The following SETD2 variants were observed in gnomAD, a reference collection of about 807,000 sequenced individuals.
SETD2 encodes the protein histone-lysine N-methyltransferase SETD2.
SETD2 carries 31 observed loss-of-function variants against 242.1 expected under a neutral mutation model. The observed-to-expected ratio is 0.13, with a 90% CI of 0.10 to 0.17. The LOEUF is 0.17. Among genes scored for constraint, SETD2 ranks in the 10% least tolerant of loss-of-function variants. SETD2 has a pLI of 1.00. For missense variants in SETD2, 2,481 were observed against 3,046.3 expected, an observed-to-expected ratio of 0.81 and a Z score of 4.37; for synonymous variants, 1,006 against 1,066.5, an observed-to-expected ratio of 0.94 and a Z score of 1.11.
chr3:47,067,603 T>C (rs984402747), intron 12 of SETD2, among the ~76,000 whole-genome samples: 1 of 151,682 alleles, frequency 6.6e-6, no homozygotes, highest in Admixed American at 6.6e-5. Flanking sequence ...TTTGTAGAGA[T>C]GGGGTTTTAT....
chr3:47,097,887 C>T (rs2107673590), intron 9 of SETD2, 68 bp downstream of exon 9: 9 of 1,535,454 alleles, frequency 5.9e-6, no homozygotes, highest in Non-Finnish European at 8.1e-6. Context: ...TTATAACCTT[C>T]AATCAGAAAA....
chr3:47,040,167 C>T (rs960796719), intron 17 of SETD2, among the ~76,000 whole-genome samples: 16 of 151,836 alleles, frequency 1.1e-4, no homozygotes, highest in Non-Finnish European at 1.3e-4. Context: ...GGAGTAGAGA[C>T]GGGGTTTCAT....
chr3:47,063,604 C>T (rs2040432606), intron 13 of SETD2, among the ~76,000 whole-genome samples: 2 of 152,162 alleles, frequency 1.3e-5, no homozygotes, highest in Admixed American at 1.3e-4. Flanking sequence ...ACTGTTTTCA[C>T]TTACCCAATT....
At chr3:47,039,136 C>T (rs1047900613) in intron 17 of SETD2, among the ~76,000 whole-genome samples, 1 of 152,016 alleles carries the variant, frequency 6.6e-6, no homozygotes, top group Non-Finnish European at 1.5e-5. Context: ...CAAATATATA[C>T]ATGTCTGTTC....
intron 15 of SETD2, among the ~76,000 whole-genome samples, chr3:47,047,876 T>C (rs893359506): frequency 6.6e-6 from 1 of 152,202 alleles, no homozygotes; most frequent in Non-Finnish European, 1.5e-5. Context: ...GGTAACATCA[T>C]ATAATGTACT....
chr3:47,044,712 T>C (rs1451664685), intron 16 of SETD2, among the ~76,000 whole-genome samples: 1 of 152,230 alleles, frequency 6.6e-6, no homozygotes, highest in East Asian at 1.9e-4. Flanking sequence ...CAAAAGCTTA[T>C]CTTAATATTA....
chr3:47,122,426 A>G lies in SETD2; in HGVS notation c.2210T>C (p.Met737Thr), dbSNP rs767089221. The G allele has an allele frequency of 1.9e-5, 30 of 1,614,062 alleles. No individual in the cohort carries two copies. Among genetic ancestry groups the G allele is most frequent in the Admixed American group, 3.3e-5 (2 of 60,012 alleles). Reference protein sequence around the residue: ...CKEKDLDDTCMLHKKSESPFR... With the variant: ...CKEKDLDDTCTLHKKSESPFR... ...TGGGCTTTCTGACTTCTTATGCAGC[A>G]TGCAGGTATCATCCAAGTCTTTTTC... Residue 737 changes from methionine (M) to threonine (T), a missense_variant, in exon 3 of 21, where the codon ATG (methionine) becomes ACG (threonine). Met to Thr is a moderately conservative substitution (Grantham distance 81). Coordinates refer to ENST00000409792, the MANE Select transcript of SETD2 (RefSeq NM_014159.7).
chr3:47,146,413 A>C (rs1267084510), intron 1 of SETD2, among the ~76,000 whole-genome samples: 1 of 152,106 alleles, frequency 6.6e-6, no homozygotes, highest in Non-Finnish European at 1.5e-5. Context: ...GGATCACCTG[A>C]GGTCAGGAGT....
Position 47,124,523 on chromosome 3 carries a change from G to A in SETD2, c.113C>T (p.Thr38Ile). ...GAACATTGGTCCTTTGATGAAACCT[G>A]TTTTCTGCACATTTTCAATCTTTGC... ...NEAKIENVQK[T>I]GFIKGPMFKG... The change falls in exon 3 of 21, where the codon ACA (threonine) becomes ATA (isoleucine). Residue 38 changes from threonine to isoleucine, a missense_variant. Physicochemically the swap from Thr to Ile is moderately conservative, Grantham distance 89. Coordinates refer to ENST00000409792, the MANE Select transcript of SETD2 (RefSeq NM_014159.7). 2 of 1,544,992 alleles carry A rather than the reference G, an allele frequency of 1.3e-6. No individual in the cohort carries two copies. Among genetic ancestry groups the A allele is most frequent in the Non-Finnish European group, 1.7e-6 (2 of 1,143,110 alleles).
At chr3:47,071,567 T>C (rs546226071) in intron 12 of SETD2, among the ~76,000 whole-genome samples, 14 of 152,032 alleles carry the variant, frequency 9.2e-5, no homozygotes, top group Non-Finnish European at 1.9e-4. Flanking sequence ...GTGATAAATA[T>C]ACATTTGAAA....
chr3:47,070,933 G>A (rs922786585), intron 12 of SETD2, among the ~76,000 whole-genome samples: 3 of 152,074 alleles, frequency 2.0e-5, no homozygotes, highest in Non-Finnish European at 4.4e-5. Flanking sequence ...ATGGGGTCTT[G>A]CTCTGTTGCC....
intron 8 of SETD2, among the ~76,000 whole-genome samples, chr3:47,099,391 T>G (rs917894271): frequency 3.3e-5 from 5 of 152,212 alleles, no homozygotes; most frequent in Non-Finnish European, 5.9e-5. Flanking sequence ...ATATTTTAAT[T>G]GTACTGGTTT....
chr3:47,109,811 C>T (rs1406372143), intron 5 of SETD2, among the ~76,000 whole-genome samples: 3 of 151,678 alleles, frequency 2.0e-5, no homozygotes, highest in Admixed American at 2.0e-4. Flanking sequence ...CATGGTGAAA[C>T]CCCCTCTCTA....
intron 7 of SETD2, among the ~76,000 whole-genome samples, 166 bp downstream of exon 7, chr3:47,103,180 T>C (rs1427393424): frequency 6.6e-6 from 1 of 152,192 alleles, no homozygotes; most frequent in African/African-American, 2.4e-5. Flanking sequence ...TTTTCTAACA[T>C]TCCTATAAAT....
chr3:47,019,044 A>C (rs990675144), intron 19 of SETD2, among the ~76,000 whole-genome samples: 1 of 152,244 alleles, frequency 6.6e-6, no homozygotes, highest in Non-Finnish European at 1.5e-5. Flanking sequence ...CCAAAACACT[A>C]CAAGCCCCTT....
chr3:47,037,295 C>T (rs2039055456), intron 18 of SETD2, among the ~76,000 whole-genome samples: 1 of 126,232 alleles, frequency 7.9e-6, no homozygotes, highest in Non-Finnish European at 1.7e-5. Flanking sequence ...CCCCACCCCA[C>T]AACAGTCCCC....
chr3:47,137,184 A>G (rs558853223), intron 1 of SETD2, among the ~76,000 whole-genome samples: 9 of 151,814 alleles, frequency 5.9e-5, no homozygotes, highest in African/African-American at 1.9e-4. Context: ...ATTTATTATT[A>G]TTTTTATTTT....
At chr3:47,022,038 T>C (rs1301981738) in intron 18 of SETD2, among the ~76,000 whole-genome samples, 1 of 146,784 alleles carries the variant, frequency 6.8e-6, no homozygotes, top group Non-Finnish European at 1.5e-5. Context: ...TCCCAGCTAC[T>C]TGGGAGGCTG....
intron 15 of SETD2, among the ~76,000 whole-genome samples, chr3:47,049,039 A>G (rs1234615944): frequency 1.3e-5 from 2 of 151,582 alleles, no homozygotes. Context: ...AGCTTACTGT[A>G]GCCTTGAACT....
Sources: gnomAD v4.1 joint callset for allele counts (sites outside exome capture counted in the v4.1 genomes callset) on GRCh38, gnomAD v4.1.1 for gene constraint, MANE v1.5 for transcripts, NCBI Gene and HGNC (gene_info 2026-07-23, HGNC 2026-07-21) for gene names.